Variants in ZNF536 observed in about 807,000 individuals in gnomAD.
ZNF536 encodes the protein zinc finger protein 536.
Under a neutral mutation model 84.5 loss-of-function variants are expected in ZNF536, and 13 were observed. The ratio of observed to expected loss-of-function variants is 0.15; its 90% CI spans 0.10 to 0.24. ZNF536 has a LOEUF of 0.24. Ranked by LOEUF, ZNF536 falls within the 10% of genes least tolerant of loss-of-function variation. The probability of loss-of-function intolerance (pLI) is 1.00; values close to 1 mark genes in which losing one functional copy is unlikely to be tolerated. For synonymous variants in ZNF536, 811 were observed against 742.5 expected, an observed-to-expected ratio of 1.09 and a Z score of -1.50; for missense variants, 1,536 against 1,747.5, an observed-to-expected ratio of 0.88 and a Z score of 2.16.
At chr19:30,474,780 A>G (rs922115188) in intron 2 of ZNF536, among the ~76,000 whole-genome samples, 1 of 152,166 alleles carries the variant, frequency 6.6e-6, no homozygotes, top group Non-Finnish European at 1.5e-5. Flanking sequence ...CAGACAGTGG[A>G]CAGTGGCTGA....
chr19:30,227,828 C>G (rs1237467190), upstream of ZNF536, among the ~76,000 whole-genome samples: 7 of 151,854 alleles, frequency 4.6e-5, no homozygotes, highest in Admixed American at 2.6e-4. Flanking sequence ...CCGGGCAGCC[C>G]GAGCGGGCCG....
At chr19:30,475,893 G>T (rs1235790477) in intron 2 of ZNF536, among the ~76,000 whole-genome samples, 1 of 152,148 alleles carries the variant, frequency 6.6e-6, no homozygotes, top group African/African-American at 2.4e-5. Context: ...CTCCTCCAGG[G>T]ACTTAAGGTT....
chr19:30,475,460 A>G (rs957837600), intron 2 of ZNF536, among the ~76,000 whole-genome samples: 1 of 152,226 alleles, frequency 6.6e-6, no homozygotes, highest in Non-Finnish European at 1.5e-5. Flanking sequence ...TAAAAAATAT[A>G]AGAAGAAGTA....
At chr19:30,701,369 A>G (rs2147999568) in intron 1 of ZNF536, among the ~76,000 whole-genome samples, 1 of 151,550 alleles carries the variant, frequency 6.6e-6, no homozygotes. Flanking sequence ...AAACACAAAT[A>G]CACAAACACA....
intron 1 of ZNF536, among the ~76,000 whole-genome samples, chr19:30,273,153 C>T (rs961821571): frequency 6.6e-6 from 1 of 152,246 alleles, no homozygotes; most frequent in East Asian, 1.9e-4. Context: ...CCTCCTGCCT[C>T]GACCTTTTGA....
chr19:30,254,263 T>C (rs1345568524), intron 1 of ZNF536, among the ~76,000 whole-genome samples: 1 of 152,192 alleles, frequency 6.6e-6, no homozygotes, highest in African/African-American at 2.4e-5. Context: ...GTGCTCCGAA[T>C]GCTCTTCTTT....
chr19:30,390,934 C>T (rs759471758), intron 1 of ZNF536, among the ~76,000 whole-genome samples: 1 of 152,216 alleles, frequency 6.6e-6, no homozygotes, highest in Non-Finnish European at 1.5e-5. Context: ...TATGAATCTT[C>T]TCAACACAGC....
intron 1 of ZNF536, among the ~76,000 whole-genome samples, chr19:30,271,294 CTTTTCTTTTTTTTTTTTT>C (rs899676098): frequency 9.7e-6 from 1 of 103,198 alleles, no homozygotes; most frequent in Non-Finnish European, 2.0e-5. Context: ...GTGTTTTTTT[CTTTTCTTTTTTTTTTTTT>C]TTTTTTTGCT....
At chr19:30,603,136 T>C (rs1428779162) in intron 1 of ZNF536, among the ~76,000 whole-genome samples, 1 of 152,168 alleles carries the variant, frequency 6.6e-6, no homozygotes, top group East Asian at 1.9e-4. Context: ...GGCTAATACA[T>C]ATATTCAACG....
chr19:30,561,808 C>T (rs1488799632), downstream of ZNF536, among the ~76,000 whole-genome samples: 8 of 152,168 alleles, frequency 5.3e-5, no homozygotes, highest in Non-Finnish European at 1.2e-4. Flanking sequence ...AGAGAAAGCC[C>T]TCAGGCAGAA....
intron 1 of ZNF536, among the ~76,000 whole-genome samples, chr19:30,573,465 G>A (rs913161533): frequency 7.2e-5 from 11 of 152,228 alleles, no homozygotes; most frequent in African/African-American, 2.6e-4. Context: ...GCCTAGGGGA[G>A]GCATCATAAC....
downstream of ZNF536, among the ~76,000 whole-genome samples, chr19:30,562,617 T>C (rs4805581): frequency 0.29 from 44,791 of 151,924 alleles, 6,860 homozygotes; most frequent in East Asian, 0.43. Flanking sequence ...ATGATCAGGT[T>C]ATCTTTGAGT....
chr19:30,617,066 T>C lies in ZNF536; in HGVS notation c.169+67552T>C, dbSNP rs112419787. Among the ~76,000 whole-genome samples the C allele has an allele frequency of 6.7e-3, 1,016 of 152,238 alleles. 15 individuals are homozygous for C. Among genetic ancestry groups the C allele is most frequent in the African/African-American group, 0.023 (943 of 41,582 alleles). On this transcript the variant is annotated intron_variant, in intron 1 of 1. Transcript: ENST00000592773. The stretch of plus-strand genomic sequence containing the variant: ...ACTTGGTTCCTCGTTTTCTATATTG[T>C]GAACTGAATGTTCATTTCACCTATT...
chr19:30,440,519 T>A (rs1392276267), intron 1 of ZNF536, among the ~76,000 whole-genome samples: 1 of 152,226 alleles, frequency 6.6e-6, no homozygotes, highest in African/African-American at 2.4e-5. Flanking sequence ...ATAAGCCAGC[T>A]CTGCCTTAGG....
intron 1 of ZNF536, among the ~76,000 whole-genome samples, chr19:30,379,773 A>T (rs2147146957): frequency 6.6e-6 from 1 of 152,110 alleles, no homozygotes; most frequent in South Asian, 2.1e-4. Context: ...GGATGCTGTA[A>T]GGGGTGCTGA....
At chr19:30,657,218 G>A (rs1039878175) in intron 1 of ZNF536, among the ~76,000 whole-genome samples, 2 of 152,208 alleles carry the variant, frequency 1.3e-5, no homozygotes, top group South Asian at 4.1e-4. Flanking sequence ...GCTCTGGAGA[G>A]GGTGCTATGT....
At chr19:30,440,886 G>T (rs1182377050) in intron 1 of ZNF536, among the ~76,000 whole-genome samples, 1 of 1,120 alleles carries the variant, frequency 8.9e-4, no homozygotes, top group Middle Eastern at 0.25. Flanking sequence ...GGCCAGGATA[G>T]ATAGATAGAT....
intron 1 of ZNF536, among the ~76,000 whole-genome samples, chr19:30,390,803 C>G (rs1185284573): frequency 6.6e-6 from 1 of 152,132 alleles, no homozygotes. Context: ...CACCGCCAGC[C>G]CCCGCCCCCA....
chr19:30,308,896 G>A (rs7248284), intron 2 of ZNF536, among the ~76,000 whole-genome samples: 46,053 of 151,946 alleles, frequency 0.3, 10,392 homozygotes, highest in East Asian at 0.6. Context: ...AGAAAATGGC[G>A]CTTGAGAATT....
Sources: gnomAD v4.1 joint callset for allele counts (sites outside exome capture counted in the v4.1 genomes callset) on GRCh38, gnomAD v4.1.1 for gene constraint, MANE v1.5 for transcripts, NCBI Gene and HGNC (gene_info 2026-07-23, HGNC 2026-07-21) for gene names.